CNTNAP2: variants seen among roughly 807,000 people sequenced by gnomAD.
CNTNAP2 encodes the protein contactin-associated protein-like 2.
A neutral mutation model predicts 155.2 loss-of-function variants in CNTNAP2; 98 were observed. That is an observed-to-expected ratio of 0.63 (90% CI 0.54 to 0.75). CNTNAP2 has a LOEUF of 0.75. CNTNAP2 is among the 30% of genes least tolerant of loss of function. The pLI is 0.00. For missense variants in CNTNAP2, 1,727 were observed against 1,688.1 expected (o/e 1.02, Z -0.40); for synonymous variants, 651 against 631.2 (o/e 1.03, Z -0.47).
intron 1 of CNTNAP2, among the ~76,000 whole-genome samples, chr7:146,161,095 CAAAA>C (rs1562972085): frequency 6.6e-6 from 1 of 152,114 alleles, no homozygotes; most frequent in Non-Finnish European, 1.5e-5. Flanking sequence ...GAACTAAAGA[CAAAA>C]AACACGTTTA....
chr7:147,644,729 T>C (rs1018763199), intron 13 of CNTNAP2, among the ~76,000 whole-genome samples: 2 of 152,226 alleles, frequency 1.3e-5, no homozygotes, highest in Non-Finnish European at 2.9e-5. Flanking sequence ...CTAATACTTT[T>C]AGATAACCAA....
rs149146901 is a variant in CNTNAP2, at chr7:147,169,827, C to A, written c.1348+37318C>A. Among the ~76,000 whole-genome samples the A allele has an allele frequency of 3.8e-3, 578 of 152,250 alleles. 6 individuals carry two copies. Among genetic ancestry groups the A allele is most frequent in the African/African-American group, 0.013 (553 of 41,540 alleles). ...TTAAAATTTCTATTTTGCCTTTCAG[C>A]TCTTAAATGATATTACTGGATTGCT... is the stretch of plus-strand genomic sequence containing the variant. On this transcript the variant is annotated intron_variant, in intron 8 of 23. Coordinates refer to ENST00000361727, the MANE Select transcript of CNTNAP2 (RefSeq NM_014141.6).
chr7:147,618,395 A>G (rs1302758104), intron 12 of CNTNAP2, among the ~76,000 whole-genome samples: 1 of 152,134 alleles, frequency 6.6e-6, no homozygotes, highest in Non-Finnish European at 1.5e-5. Flanking sequence ...AACAAGGATC[A>G]TTTCAGAGAA....
intron 13 of CNTNAP2, among the ~76,000 whole-genome samples, chr7:147,860,002 C>T (rs12536492): frequency 0.16 from 24,342 of 152,092 alleles, 2,076 homozygotes; most frequent in Admixed American, 0.21. Flanking sequence ...CACACCCAAA[C>T]CTCATCCTGA....
chr7:146,675,905 C>T (rs572578329), intron 1 of CNTNAP2, among the ~76,000 whole-genome samples: 35 of 152,240 alleles, frequency 2.3e-4, no homozygotes, highest in South Asian at 1.7e-3. Context: ...AGTAGAATTT[C>T]ATAACCCATC....
intron 3 of CNTNAP2, among the ~76,000 whole-genome samples, chr7:146,944,289 A>T (rs977103437): frequency 3.3e-5 from 5 of 151,094 alleles, no homozygotes; most frequent in Non-Finnish European, 7.4e-5. Flanking sequence ...TTAAAAATCC[A>T]TGTATAATAG....
At chr7:147,936,884 G>A (rs1478300598) in intron 14 of CNTNAP2, among the ~76,000 whole-genome samples, 3 of 152,058 alleles carry the variant, frequency 2.0e-5, no homozygotes, top group Non-Finnish European at 4.4e-5. Flanking sequence ...GTGCTCCCTT[G>A]ATACAAAATA....
chr7:146,830,464 T>TTA (rs1040742061), intron 2 of CNTNAP2, among the ~76,000 whole-genome samples: 58 of 151,372 alleles, frequency 3.8e-4, no homozygotes, highest in East Asian at 2.9e-3. Flanking sequence ...ATTTGTTCAT[T>TTA]TATATATATA....
At chr7:147,924,888 C>T (rs192314949) in intron 14 of CNTNAP2, among the ~76,000 whole-genome samples, 106 of 151,896 alleles carry the variant, frequency 7.0e-4, no homozygotes, top group African/African-American at 2.3e-3. Context: ...GAGGCCTAGG[C>T]GGGCGGATCA....
At chr7:147,288,736 GT>G (rs1352624701) in intron 8 of CNTNAP2, among the ~76,000 whole-genome samples, 1 of 152,146 alleles carries the variant, frequency 6.6e-6, no homozygotes, top group South Asian at 2.1e-4. Flanking sequence ...GGTTTTCCAA[GT>G]TTTTTCCAAT....
chr7:147,136,260 CAA>C (rs1801475911), intron 8 of CNTNAP2, among the ~76,000 whole-genome samples: 2 of 151,820 alleles, frequency 1.3e-5, no homozygotes, highest in Non-Finnish European at 2.9e-5. Context: ...AAAGCCTTTC[CAA>C]AAAGTCATTC....
chr7:147,575,349 GT>G (rs1321908167), intron 12 of CNTNAP2, among the ~76,000 whole-genome samples: 1 of 145,322 alleles, frequency 6.9e-6, no homozygotes, highest in Non-Finnish European at 1.5e-5. Context: ...GAGAGACTGT[GT>G]GTGTATTCCC....
chr7:147,208,694 T>G (rs1417620107), intron 8 of CNTNAP2, among the ~76,000 whole-genome samples: 1 of 152,008 alleles, frequency 6.6e-6, no homozygotes, highest in African/African-American at 2.4e-5. Flanking sequence ...ACACATATAT[T>G]CAGAAATGTT....
At chr7:147,569,303 C>T (rs1800237117) in intron 12 of CNTNAP2, among the ~76,000 whole-genome samples, 1 of 152,130 alleles carries the variant, frequency 6.6e-6, no homozygotes, top group Admixed American at 6.6e-5. Context: ...GGAAATGGGT[C>T]ACTGAGGTGG....
intron 13 of CNTNAP2, among the ~76,000 whole-genome samples, chr7:147,790,921 C>G (rs1047786702): frequency 1.3e-5 from 2 of 152,226 alleles, no homozygotes; most frequent in African/African-American, 4.8e-5. Context: ...GAAATATTTG[C>G]TCTTCTTTTT....
At chr7:148,051,281 G>A (rs1285336121) in intron 15 of CNTNAP2, among the ~76,000 whole-genome samples, 1 of 152,082 alleles carries the variant, frequency 6.6e-6, no homozygotes, top group African/African-American at 2.4e-5. Flanking sequence ...TTTCTCAATA[G>A]GTAACCAAAA....
At chr7:146,843,106 A>G (rs2727631) in intron 3 of CNTNAP2, among the ~76,000 whole-genome samples, 114,796 of 118,748 alleles carry the variant, frequency 0.97, 55,532 homozygotes, top group East Asian at 1. Context: ...TCCGCTTCCC[A>G]GGTTCACGCC....
intron 12 of CNTNAP2, among the ~76,000 whole-genome samples, chr7:147,608,501 C>T (rs117655228): frequency 0.02 from 3,042 of 151,912 alleles, 33 homozygotes; most frequent in Middle Eastern, 0.048. Flanking sequence ...AGAGTCTCAC[C>T]GTGTTTCCCA....
At chr7:146,236,232 G>A (rs923881623) in intron 1 of CNTNAP2, among the ~76,000 whole-genome samples, 18 of 151,926 alleles carry the variant, frequency 1.2e-4, no homozygotes, top group Admixed American at 2.6e-4. Context: ...CTCTAATACC[G>A]CTGTGTACTA....
Sources: gnomAD v4.1 joint callset for allele counts (sites outside exome capture counted in the v4.1 genomes callset) on GRCh38, gnomAD v4.1.1 for gene constraint, MANE v1.5 for transcripts, NCBI Gene and HGNC (gene_info 2026-07-23, HGNC 2026-07-21) for gene names.